DMXL1: variants seen among roughly 807,000 people sequenced by gnomAD.
The protein encoded by DMXL1 is Dmx like 1.
A neutral mutation model predicts 319.2 loss-of-function variants in DMXL1; 99 were observed. The ratio of observed to expected loss-of-function variants is 0.31; its 90% CI spans 0.26 to 0.37. DMXL1 has a LOEUF of 0.37. Among genes scored for constraint, DMXL1 ranks in the 10% least tolerant of loss-of-function variants. The pLI is 1.00. For missense variants in DMXL1, 3,745 were observed against 3,595.6 expected (o/e 1.04, Z -1.06); for synonymous variants, 1,385 against 1,235.2 (o/e 1.12, Z -2.54).
chr5:119,191,771 C>A (rs1778735852), intron 29 of DMXL1, among the ~76,000 whole-genome samples: 2 of 152,212 alleles, frequency 1.3e-5, no homozygotes, highest in Non-Finnish European at 2.9e-5. Flanking sequence ...GGCATCAGAA[C>A]TCAGTCTTCA....
chr5:119,190,009 G>C (rs1230910411), intron 29 of DMXL1, 123 bp downstream of exon 29: 2 of 859,850 alleles, frequency 2.3e-6, no homozygotes, highest in East Asian at 2.7e-5. Flanking sequence ...ATTTTCATTA[G>C]TATCAGGCTA....
chr5:119,175,678 A>G (rs1033730960), intron 26 of DMXL1, among the ~76,000 whole-genome samples: 1 of 152,130 alleles, frequency 6.6e-6, no homozygotes, highest in Non-Finnish European at 1.5e-5. Flanking sequence ...AATGATATGT[A>G]TATAATATGG....
chr5:119,081,997 T>TTA (rs144946899), intron 1 of DMXL1, among the ~76,000 whole-genome samples: 2,650 of 116,014 alleles, frequency 0.023, 37 homozygotes, highest in Non-Finnish European at 0.026. Flanking sequence ...TTTCTTAAGG[T>TTA]TATATATATA....
chr5:119,177,417 A>G lies in DMXL1; in HGVS notation c.6819A>G (p.Arg2273=). The part of the protein sequence containing the change: ...MVYQTVLLPH[R]PSLKTGSLDE... ...ATCAGACAGTACTGCTTCCTCATCG[A>G]CCTTCTTTGAAAACAGGAAGCTTAG... The change falls in exon 27 of 44, where the codon CGA becomes CGG. Residue 2273 remains arginine (R), a synonymous_variant. Coordinates refer to ENST00000539542, the MANE Select transcript of DMXL1 (RefSeq NM_001290321.3). The G allele has an allele frequency of 1.9e-6, 3 of 1,609,410 alleles. No individual in the cohort carries two copies. The highest frequency in any genetic ancestry group is 1.7e-6 in the Non-Finnish European group (2 of 1,177,070).
rs180882093 is a variant in DMXL1 at position 119,211,907 on chromosome 5, C to T, written c.7927-4994C>T. Among the ~76,000 whole-genome samples, 43 of 152,222 alleles carry T rather than the reference C, an allele frequency of 2.8e-4. No homozygotes were observed. The East Asian group carries it at 7.3e-3, about 26-fold the overall frequency. ...AAAATTAGGGCTGATAATTTTAAAC[C>T]TGTTGCTTCTCTAATTGAAATATTC... is the stretch of plus-strand genomic sequence containing the variant. On this transcript the variant is annotated intron_variant, in intron 34 of 43. Transcript: ENST00000539542.
chr5:119,143,052 A>G (rs1389193763), intron 13 of DMXL1, among the ~76,000 whole-genome samples: 1 of 152,036 alleles, frequency 6.6e-6, no homozygotes, highest in Non-Finnish European at 1.5e-5. Context: ...AAAGAATGGA[A>G]AAACAGACAC....
At chr5:119,112,614 T>C (rs1759894326) in intron 5 of DMXL1, among the ~76,000 whole-genome samples, 1 of 152,042 alleles carries the variant, frequency 6.6e-6, no homozygotes. Flanking sequence ...AGATAGGTAA[T>C]GGGTTAACAT....
Position 119,202,885 on chromosome 5 carries a change from T to TATATATATATATATATATATTTA in DMXL1, c.7746-434_7746-433insATATATATATATATATATATTTA, listed in dbSNP as rs1554139437. ...CATACATATATATATATATATATTT[T>TATATATATATATATATATATTTA]TATATATATATATATATATATTTAT... On this transcript the variant is annotated intron_variant, in intron 32 of 43. Coordinates refer to ENST00000539542, the MANE Select transcript of DMXL1 (RefSeq NM_001290321.3). 3.0e-4 allele frequency among the ~76,000 whole-genome samples: 39 copies of TATATATATATATATATATATTTA among 130,772 alleles called. 1 individual carries two copies. Among genetic ancestry groups the TATATATATATATATATATATTTA allele is most frequent in the African/African-American group, 8.7e-4 (29 of 33,474 alleles). The allele number at this position is 130,772 out of a possible 152,430, so 85.8% of individuals were successfully genotyped here.
chr5:119,165,059 T>C (rs1773131841), intron 20 of DMXL1, 124 bp from the exon 21 acceptor site: 2 of 633,840 alleles, frequency 3.2e-6, no homozygotes, highest in Admixed American at 3.1e-5. Context: ...GCACATATTA[T>C]TCATATACAT....
At chr5:119,203,595 G>A (rs1221451178) in intron 33 of DMXL1, among the ~76,000 whole-genome samples, 159 bp downstream of exon 33, 2 of 152,044 alleles carry the variant, frequency 1.3e-5, no homozygotes, top group Non-Finnish European at 1.5e-5. Flanking sequence ...AAAAGGGGCA[G>A]TATTTTCATA....
chr5:119,173,832 A>T (rs1416246192), intron 25 of DMXL1, among the ~76,000 whole-genome samples: 1 of 140,706 alleles, frequency 7.1e-6, no homozygotes, highest in African/African-American at 2.6e-5. Flanking sequence ...GAATTGTTTT[A>T]TGTGGTTTTG....
In DMXL1 at chr5:119,147,383, A is replaced by G; in HGVS notation, c.2824A>G (p.Arg942Gly). Residue 942 changes from arginine (R) to glycine (G), a missense_variant, in exon 17 of 44, where the codon AGG becomes GGG. By Grantham distance (125) the Arg-to-Gly change is moderately radical. Transcript: ENST00000539542. ...ACRANLQSTS[R>G]LTLFSEMVYS... Reference sequence around the variant, plus strand: ...CAGAGCAAATCTCCAGAGTACCAGCAGGTTGACTCTGTTTTCAGAAATGGT... The same window carrying G: ...CAGAGCAAATCTCCAGAGTACCAGCGGGTTGACTCTGTTTTCAGAAATGGT... The G allele has an allele frequency of 1.2e-6, 2 of 1,613,492 alleles. No homozygotes were observed. The highest frequency in any genetic ancestry group is 1.7e-6 in the Non-Finnish European group (2 of 1,179,592).
intron 19 of DMXL1, among the ~76,000 whole-genome samples, chr5:119,158,192 A>T (rs1293380066): frequency 1.3e-5 from 2 of 148,654 alleles, no homozygotes; most frequent in African/African-American, 2.5e-5. Flanking sequence ...GGCCTGGCCG[A>T]TATATTTCTA....
chr5:119,183,661 A>G (rs1345697848), intron 28 of DMXL1, among the ~76,000 whole-genome samples: 1 of 151,938 alleles, frequency 6.6e-6, no homozygotes, highest in Non-Finnish European at 1.5e-5. Flanking sequence ...TTTGGTAGAG[A>G]CGGGCTAGGC....
At chr5:119,082,734 C>T (rs371334505) in intron 1 of DMXL1, among the ~76,000 whole-genome samples, 2 of 152,328 alleles carry the variant, frequency 1.3e-5, no homozygotes, top group Middle Eastern at 3.4e-3. Flanking sequence ...TATTTGAATT[C>T]GTCTAGCTGT....
chr5:119,187,817 C>T (rs1014939819), intron 28 of DMXL1, among the ~76,000 whole-genome samples: 6 of 152,104 alleles, frequency 3.9e-5, no homozygotes, highest in African/African-American at 1.4e-4. Context: ...CACGTGCCAC[C>T]ATGCCTGGCT....
At chr5:119,182,734 G>T (rs762077664) in intron 28 of DMXL1, among the ~76,000 whole-genome samples, 31 of 151,754 alleles carry the variant, frequency 2.0e-4, no homozygotes, top group Admixed American at 1.4e-3. Context: ...AATTTTTTTT[G>T]GTGAATTCCA....
intron 8 of DMXL1, among the ~76,000 whole-genome samples, chr5:119,120,340 T>A (rs1021284702): frequency 6.6e-6 from 1 of 152,260 alleles, no homozygotes; most frequent in African/African-American, 2.4e-5. Flanking sequence ...AATAGAATGG[T>A]TACATGTAGT....
rs760624319 is a variant in DMXL1 at position 119,247,160 on chromosome 5, C to A, written c.9088C>A (p.Pro3030Thr). Residue 3030 changes from proline to threonine, a missense_variant, in exon 44 of 44, where the codon CCA becomes ACA. Coordinates refer to ENST00000539542, the MANE Select transcript of DMXL1 (RefSeq NM_001290321.3). ...ADGTMKMRIL[P>T]DQFSPLNEVL... ...TGGAACAATGAAAATGAGAATACTG[C>A]CAGATCAGTTTAGCCCTTTAAATGA... 1.9e-6 allele frequency: 3 copies of A among 1,613,898 alleles called. No homozygotes were observed. Among genetic ancestry groups the A allele is most frequent in the Non-Finnish European group, 2.5e-6 (3 of 1,179,928 alleles).
Sources: allele counts gnomAD v4.1 joint callset (sites outside exome capture counted in the v4.1 genomes callset), GRCh38; gene constraint gnomAD v4.1.1; transcripts MANE v1.5; gene names NCBI Gene and HGNC (gene_info 2026-07-23, HGNC 2026-07-21).